Variants in JRK observed in about 807,000 individuals in gnomAD.
JRK encodes the protein jerky protein homolog.
For synonymous variants in JRK, 303 were observed against 218.1 expected, an observed-to-expected ratio of 1.39 and a Z score of -3.43; for missense variants, 720 against 509.2, an observed-to-expected ratio of 1.41 and a Z score of -3.98.
chr8:142,664,404 C>T lies in JRK; in HGVS notation c.1655G>A (p.Gly552Glu). The change falls in exon 2 of 2, where the codon GGG becomes GAG. Residue 552 changes from glycine to glutamate, a missense_variant. Coordinates refer to ENST00000612905, the MANE Select transcript of JRK (RefSeq NM_003724.4). ...GGGCAAGGGAGACTGAGCTGTGGCC[C>T]CACAGCCACCAGGGCCCTCCTGGAG... ...EALQEGPGGC[G>E]ATAQSPLPCS... is the part of the protein sequence containing the mutation. 2 of 1,598,208 alleles carry T rather than the reference C, an allele frequency of 1.3e-6. No individual in the cohort carries two copies. Among genetic ancestry groups the T allele is most frequent in the South Asian group, 1.1e-5 (1 of 89,610 alleles).
the JRK span, among the ~76,000 whole-genome samples, chr8:142,644,821 A>C: frequency 6.6e-6 from 1 of 152,248 alleles, no homozygotes; most frequent in Non-Finnish European, 1.5e-5. Context: ...TAAAATTTTA[A>C]TCTTGACCAT....
In JRK at chr8:142,664,492, G is replaced by C. The variant is rs782177897; in HGVS notation, c.1567C>G (p.Arg523Gly). The change falls in exon 2 of 2, where the codon CGG becomes GGG. Residue 523 changes from arginine (R) to glycine (G), a missense_variant. Physicochemically the swap from Arg to Gly is moderately radical, Grantham distance 125. Transcript: ENST00000612905. ...GQLRALRAVFRSQQQVRRRRG... is the reference protein window; with the variant it reads ...GQLRALRAVFGSQQQVRRRRG... ...CGCCTCCTCACCTGCTGCTGGCTCCGGAACACGGCACGCAGCGCCCGCAGC... is the reference window on the plus strand; with the variant it reads ...CGCCTCCTCACCTGCTGCTGGCTCCCGAACACGGCACGCAGCGCCCGCAGC... The C allele has an allele frequency of 2.5e-6, 4 of 1,610,528 alleles. No individual in the cohort carries two copies. In the South Asian group the frequency reaches 4.4e-5, roughly 18 times the overall value.
At chr8:142,653,108 T>A (rs1212114600), downstream of JRK, among the ~76,000 whole-genome samples, 1 of 152,168 alleles carries the variant, frequency 6.6e-6, no homozygotes, top group Non-Finnish European at 1.5e-5. Flanking sequence ...GCCTTTAACC[T>A]CCAAACTGCC....
downstream of JRK, among the ~76,000 whole-genome samples, chr8:142,652,777 GAGAA>G (rs1554633306): frequency 1.3e-5 from 2 of 151,848 alleles, no homozygotes; most frequent in African/African-American, 4.9e-5. Context: ...CAAGAAAAAA[GAGAA>G]AGAGAGGTGA....
At chr8:142,650,501 T>C in the JRK span, among the ~76,000 whole-genome samples, 5 of 152,344 alleles carry the variant, frequency 3.3e-5, no homozygotes, top group Non-Finnish European at 5.9e-5. Context: ...TGGGAGGTAA[T>C]TGAATCATAA....
Position 142,664,805 on chromosome 8 carries a change from G to A in JRK, c.1254C>T (p.Ile418=). ...VKPHNKSFAH[I]LELVKEGSSC... is the part of the protein sequence containing the mutation. ...AGGAGCCTTCCTTCACAAGCTCCAG[G>A]ATGTGTGCAAAGGACTTGTTGTGGG... is the stretch of plus-strand genomic sequence containing the variant. The change falls in exon 2 of 2, where the codon ATC becomes ATT. Residue 418 remains isoleucine, a synonymous_variant. Coordinates refer to ENST00000612905, the MANE Select transcript of JRK (RefSeq NM_003724.4). 6.3e-7 allele frequency: 1 copy of A among 1,597,156 alleles called. No individual in the cohort carries two copies. The highest frequency in any genetic ancestry group is 8.5e-7 in the Non-Finnish European group (1 of 1,172,204).
chr8:142,651,386 G>A, the JRK span, among the ~76,000 whole-genome samples: 1 of 150,030 alleles, frequency 6.7e-6, no homozygotes, highest in Admixed American at 6.6e-5. Context: ...AAACCCAGCT[G>A]TCATGCTGGA....
chr8:142,654,557 G>A (rs1554633456), downstream of JRK, among the ~76,000 whole-genome samples: 1 of 151,884 alleles, frequency 6.6e-6, no homozygotes, highest in Admixed American at 6.6e-5. Context: ...AAAGAAGAGG[G>A]CTGTACCCAG....
chr8:142,665,576 G>A lies in JRK; in HGVS notation c.483C>T (p.Ala161=), dbSNP rs587693813. ...TGAAAAACGCACAGAACTGCTCCGC[G>A]GCCTGGTGGTCGGCTGACTGCTTTT... ...SSEKQSADHQ[A]AEQFCAFFRS... The change falls in exon 2 of 2, where the codon GCC becomes GCT. Residue 161 remains alanine (A), a synonymous_variant. Transcript: ENST00000612905. 15 of 718,544 alleles carry A rather than the reference G, an allele frequency of 2.1e-5. No homozygotes were observed. Among genetic ancestry groups the A allele is most frequent in the South Asian group, 8.9e-5 (6 of 67,610 alleles). The allele number at this position is 718,544 out of a possible 1,614,324, so 44.5% of individuals were successfully genotyped here.
At position 142,664,427 on chromosome 8, in the gene JRK, G is replaced by T. The variant is rs782187179; in HGVS notation, c.1632C>A (p.Leu544=). 10 of 1,608,394 alleles carry T rather than the reference G, an allele frequency of 6.2e-6. No homozygotes were observed. Among genetic ancestry groups the T allele is most frequent in the African/African-American group, 1.3e-5 (1 of 74,822 alleles). The part of the protein sequence containing the change: ...ALGAVVKVEA[L]QEGPGGCGAT... ...CCCCACAGCCACCAGGGCCCTCCTGGAGGGCTTCAACCTTGACCACAGCCC... is the reference window on the plus strand; with the variant it reads ...CCCCACAGCCACCAGGGCCCTCCTGTAGGGCTTCAACCTTGACCACAGCCC... Residue 544 remains leucine, a synonymous_variant, in exon 2 of 2, where the codon CTC becomes CTA. Coordinates refer to ENST00000612905, the MANE Select transcript of JRK (RefSeq NM_003724.4).
the JRK span, among the ~76,000 whole-genome samples, chr8:142,648,540 C>T: frequency 1.1e-4 from 17 of 152,240 alleles, no homozygotes; most frequent in African/African-American, 4.1e-4. Flanking sequence ...GCAGTTTCCA[C>T]ATGGTGTTGA....
Position 142,660,612 on chromosome 8 carries a change from G to C in JRK, c.*3740C>G. 1 of 839,380 alleles carries C rather than the reference G, an allele frequency of 1.2e-6. No homozygotes were observed. The highest frequency in any genetic ancestry group is 1.4e-6 in the Non-Finnish European group (1 of 698,556). The allele number at this position is 839,380 out of a possible 1,614,324, so 52.0% of individuals were successfully genotyped here. ...AGATGGGGTCTCCCTATGTTGCCCA[G>C]GCTGGTTTCAAACTCCTGAACTAAA... On this transcript the variant is annotated 3_prime_UTR_variant, in exon 2 of 2. Transcript: ENST00000612905.
At chr8:142,655,749 G>C (rs587710272), downstream of JRK, among the ~76,000 whole-genome samples, 3 of 152,216 alleles carry the variant, frequency 2.0e-5, no homozygotes, top group Non-Finnish European at 4.4e-5. Flanking sequence ...CCCACTAAGC[G>C]CGTTCTGCCT....
chr8:142,665,019 G>T lies in JRK; in HGVS notation c.1040C>A (p.Pro347Gln). The T allele has an allele frequency of 1.4e-6, 1 of 715,844 alleles. No homozygotes were observed. Among genetic ancestry groups the T allele is most frequent in the Non-Finnish European group, 2.6e-6 (1 of 383,650 alleles). 44.3% of individuals were successfully genotyped at this position (715,844 alleles called of 1,614,324 possible). A position where few individuals can be genotyped will look rare whatever the true frequency, so the allele number is the denominator to read the frequency against. ...RDFMRNFINP[P>Q]VPLQGPHARY... The stretch of plus-strand genomic sequence containing the variant: ...GGCGTGGGGGCCCTGCAGGGGGACC[G>T]GAGGGTTAATGAAGTTCCTCATGAA... The change falls in exon 2 of 2, where the codon CCG (proline) becomes CAG (glutamine). Residue 347 changes from proline (P) to glutamine (Q), a missense_variant. By Grantham distance (76) the Pro-to-Gln change is moderately conservative. Transcript: ENST00000612905.
downstream of JRK, among the ~76,000 whole-genome samples, chr8:142,655,500 C>G (rs1429738207): frequency 6.6e-6 from 1 of 152,248 alleles, no homozygotes; most frequent in African/African-American, 2.4e-5. Flanking sequence ...GCAGACACAG[C>G]CAAGGCAGAT....
Position 142,659,177 on chromosome 8 carries a change from C to T in JRK, c.*5175G>A. ...CTCCTCCCACTGAGCCTCATGGTCA[C>T]CCCAGAGGACAGGCCTTCCTTTCAC... On this transcript the variant is annotated 3_prime_UTR_variant, in exon 2 of 2. Coordinates refer to ENST00000612905, the MANE Select transcript of JRK (RefSeq NM_003724.4). 7.6e-7 allele frequency: 1 copy of T among 1,309,932 alleles called. No individual in the cohort carries two copies. The allele number at this position is 1,309,932 out of a possible 1,614,324, so 81.1% of individuals were successfully genotyped here.
Position 142,665,166 on chromosome 8 carries a change from A to G in JRK, c.893T>C (p.Leu298Pro), listed in dbSNP as rs1847068762. The change falls in exon 2 of 2, where the codon CTG becomes CCG. Residue 298 changes from leucine to proline, a missense_variant. Physicochemically the swap from Leu to Pro is moderately conservative, Grantham distance 98 (BLOSUM62 -3). Transcript: ENST00000612905. ...LPEDSKAVLL[L>P]DSSRAHPQEA... ...CTGCGGGTGAGCCCGGGAGCTGTCC[A>G]GCAAGAGAACGGCTTTGCTGTCTTC... is the stretch of plus-strand genomic sequence containing the variant. 5.6e-6 allele frequency: 4 copies of G among 717,848 alleles called. No homozygotes were observed. The highest frequency in any genetic ancestry group is 1.0e-5 in the Non-Finnish European group (4 of 385,110). The allele number at this position is 717,848 out of a possible 1,614,324, so 44.5% of individuals were successfully genotyped here.
intron 1 of JRK, among the ~76,000 whole-genome samples, chr8:142,669,192 G>T (rs782302374): frequency 1.4e-5 from 1 of 70,902 alleles, no homozygotes; most frequent in Non-Finnish European, 2.8e-5. Context: ...GTGTGTGTGT[G>T]TGTGTGTGCG....
At position 142,665,668 on chromosome 8, in the gene JRK, A is replaced by G. The variant is rs935877708; in HGVS notation, c.391T>C (p.Phe131Leu). 3.7e-5 allele frequency: 27 copies of G among 723,996 alleles called. No individual in the cohort carries two copies. The highest frequency in any genetic ancestry group is 6.9e-5 in the African/African-American group (4 of 57,616). The allele number at this position is 723,996 out of a possible 1,614,324, so 44.8% of individuals were successfully genotyped here. The change falls in exon 2 of 2, where the codon TTC (phenylalanine) becomes CTC (leucine). Residue 131 changes from phenylalanine (F) to leucine (L), a missense_variant. Transcript: ENST00000612905. ...AAGCGCCAAAGCCACCCTCCGGAGA[A>G]CACGCAGGGCTCAGTGAGCTGCATC... is the stretch of plus-strand genomic sequence containing the variant. ...EQMQLTEPCVFSGGWLWRFKA... is the reference protein window; with the variant it reads ...EQMQLTEPCVLSGGWLWRFKA...
Sources: gnomAD v4.1 joint callset for allele counts (sites outside exome capture counted in the v4.1 genomes callset) on GRCh38, gnomAD v4.1.1 for gene constraint, MANE v1.5 for transcripts, NCBI Gene and HGNC (gene_info 2026-07-23, HGNC 2026-07-21) for gene names.